Variants in NAA38 observed in about 807,000 individuals in gnomAD.
NAA38 encodes the protein N-alpha-acetyltransferase 38, NatC auxiliary subunit, also known as LSM domain containing 1.
In NAA38, 15 loss-of-function variants were observed where a neutral mutation model predicts 12.6. That is an observed-to-expected ratio of 1.19 (90% CI 0.79 to 1.83). The LOEUF (loss-of-function observed/expected upper bound fraction) is 1.83. NAA38 is among the 40% of genes most tolerant of loss of function. The pLI, the probability that NAA38 is intolerant of heterozygous loss-of-function variation, is 0.00. For missense variants in NAA38, 183 were observed against 171.7 expected (o/e 1.07, Z -0.37); for synonymous variants, 88 against 69.9 (o/e 1.26, Z -1.29).
At position 7,879,039 on chromosome 17, in the gene NAA38, A is replaced by T. The variant is rs532403612; in HGVS notation, c.-66+4196T>A. Reference sequence around the variant, plus strand: ...ACTGTATACTATATTTATTCTATGTAAAAATATATATCAGAAATATATCCT... The same window carrying T: ...ACTGTATACTATATTTATTCTATGTTAAAATATATATCAGAAATATATCCT... On this transcript the variant is annotated intron_variant, in intron 2 of 4. Transcript: ENST00000576861. Among the ~76,000 whole-genome samples, 82 of 151,748 alleles carry T rather than the reference A, an allele frequency of 5.4e-4. 2 individuals are homozygous for T. The South Asian group carries it at 0.016, about 30-fold the overall frequency.
At chr17:7,862,112 T>C (rs1047147972), upstream of NAA38, 2 of 152,260 alleles carry the variant, frequency 1.3e-5, no homozygotes, top group Admixed American at 1.3e-4. Context: ...GTTAGCACCA[T>C]GCATTTTCCA....
chr17:7,875,392 G>A (rs1180997852), intron 2 of NAA38, among the ~76,000 whole-genome samples: 2 of 152,050 alleles, frequency 1.3e-5, no homozygotes, highest in Non-Finnish European at 2.9e-5. Context: ...CTGCAGTGCA[G>A]TGGTGTAATC....
intron 1 of NAA38, chr17:7,884,799 G>C (rs1433705943): frequency 3.2e-6 from 2 of 619,216 alleles, no homozygotes; most frequent in African/African-American, 4.2e-5. Context: ...GGGGGCCAGA[G>C]CCACAGGATG....
chr17:7,875,511 T>A (rs1397146510), intron 2 of NAA38, among the ~76,000 whole-genome samples: 1 of 152,074 alleles, frequency 6.6e-6, no homozygotes, highest in Non-Finnish European at 1.5e-5. Flanking sequence ...ATTTTTAAAC[T>A]TTTTTTGTAG....
Position 7,857,513 on chromosome 17 carries a change from G to T in NAA38, c.-50C>A. ...TTTCAACTTCCTAAGCACCTTTCAGGTTGGGTGGTCCGAGATCTCGCGAGC... is the reference window on the plus strand; with the variant it reads ...TTTCAACTTCCTAAGCACCTTTCAGTTTGGGTGGTCCGAGATCTCGCGAGC... On this transcript the variant is annotated 5_prime_UTR_variant, in exon 1 of 3. Coordinates refer to ENST00000575771, the MANE Select transcript of NAA38 (RefSeq NM_001320925.4). 2 of 1,479,260 alleles carry T rather than the reference G, an allele frequency of 1.4e-6. No homozygotes were observed. Among genetic ancestry groups the T allele is most frequent in the Non-Finnish European group, 1.8e-6 (2 of 1,117,136 alleles). The allele number at this position is 1,479,260 out of a possible 1,614,324, so 91.6% of individuals were successfully genotyped here.
intron 1 of NAA38, chr17:7,885,122 G>A: frequency 1.0e-6 from 1 of 982,572 alleles, no homozygotes; most frequent in Non-Finnish European, 1.2e-6. Context: ...AGCCCGAGTG[G>A]GAGCCGCGGG....
In NAA38 at chr17:7,857,487, C is replaced by T. The variant is rs760682298; in HGVS notation, c.-24G>A. 6.6e-7 allele frequency: 1 copy of T among 1,505,480 alleles called. No individual in the cohort carries two copies. Among genetic ancestry groups the T allele is most frequent in the African/African-American group, 1.4e-5 (1 of 71,350 alleles). 93.3% of individuals were successfully genotyped at this position (1,505,480 alleles called of 1,614,324 possible). ...ATTTGCCCGGAGGCCTCCTCTGGGC[C>T]TTTCAACTTCCTAAGCACCTTTCAG... On this transcript the variant is annotated 5_prime_UTR_variant, in exon 1 of 3. Coordinates refer to ENST00000575771, the MANE Select transcript of NAA38 (RefSeq NM_001320925.4).
chr17:7,885,156 G>C (rs1967596338), intron 1 of NAA38: 2 of 981,990 alleles, frequency 2.0e-6, no homozygotes, highest in South Asian at 9.0e-5. Flanking sequence ...GCGGGGGCGA[G>C]GCACCCACCG....
chr17:7,882,203 A>G (rs756933925), intron 2 of NAA38, among the ~76,000 whole-genome samples: 2 of 152,198 alleles, frequency 1.3e-5, no homozygotes, highest in Non-Finnish European at 2.9e-5. Context: ...ATCATGGCAC[A>G]TGTGGCAAGC....
chr17:7,856,938 C>T, intron 2 of NAA38, 77 bp downstream of exon 2: 1 of 1,589,624 alleles, frequency 6.3e-7, no homozygotes, highest in Non-Finnish European at 8.6e-7. Context: ...AGGGTTGCAG[C>T]CAGGCCCTTA....
upstream of NAA38, chr17:7,858,675 G>T: frequency 3.7e-6 from 6 of 1,611,048 alleles, no homozygotes; most frequent in Non-Finnish European, 5.1e-6. Flanking sequence ...CTTTGTGCAC[G>T]TTCCGCCTCA....
At chr17:7,879,792 G>C (rs553724710) in intron 2 of NAA38, among the ~76,000 whole-genome samples, 4 of 152,106 alleles carry the variant, frequency 2.6e-5, no homozygotes, top group Non-Finnish European at 5.9e-5. Context: ...CAGCTAGACA[G>C]TGAGACACAC....
intron 3 of NAA38, chr17:7,864,974 C>G (rs541928555): frequency 6.6e-6 from 1 of 151,994 alleles, no homozygotes; most frequent in Admixed American, 6.5e-5. Flanking sequence ...CTTGTGGTAT[C>G]ATGTAGGCAT....
upstream of NAA38, chr17:7,858,465 C>T (rs1476787147): frequency 6.2e-7 from 1 of 1,614,134 alleles, no homozygotes; most frequent in Non-Finnish European, 8.5e-7. Flanking sequence ...CTGGTTTGAT[C>T]CAAAGACCAG....
chr17:7,879,264 C>T (rs1277967369), intron 2 of NAA38, among the ~76,000 whole-genome samples: 1 of 152,012 alleles, frequency 6.6e-6, no homozygotes, highest in Non-Finnish European at 1.5e-5. Flanking sequence ...TTAACATATC[C>T]TTGGGTAGAA....
upstream of NAA38, chr17:7,858,407 C>T: frequency 1.2e-6 from 2 of 1,614,132 alleles, no homozygotes; most frequent in East Asian, 2.2e-5. Flanking sequence ...TTCAAGGGAA[C>T]CTGCTGCTGA....
intron 2 of NAA38, among the ~76,000 whole-genome samples, chr17:7,875,011 C>T (rs113919508): frequency 1.3e-3 from 191 of 151,292 alleles, no homozygotes; most frequent in African/African-American, 4.4e-3. Flanking sequence ...ATTTGAACGA[C>T]ACAGCGAGAT....
At chr17:7,883,239 G>A (rs1967327641) in exon 2 of NAA38, 1 of 152,180 alleles carries the variant, frequency 6.6e-6, no homozygotes, top group South Asian at 2.1e-4. Flanking sequence ...CCCTACCTCT[G>A]CTTTTTCTCA....
At chr17:7,866,253 ATTTT>A (rs56289148) in intron 3 of NAA38, among the ~76,000 whole-genome samples, 939 of 90,584 alleles carry the variant, frequency 0.01, 20 homozygotes, top group African/African-American at 0.036. Flanking sequence ...AGCCCGGCTA[ATTTT>A]TTTTTTTTTT....
Sources: allele counts gnomAD v4.1 joint callset (sites outside exome capture counted in the v4.1 genomes callset), GRCh38; gene constraint gnomAD v4.1.1; transcripts MANE v1.5; gene names NCBI Gene and HGNC (gene_info 2026-07-23, HGNC 2026-07-21).